Variants in OIT3 observed in about 807,000 individuals in gnomAD.
OIT3 encodes oncoprotein induced transcript 3.
Under a neutral mutation model 52.2 loss-of-function variants are expected in OIT3, and 41 were observed. The observed-to-expected ratio is 0.79, with a 90% CI of 0.61 to 1.02. The LOEUF (loss-of-function observed/expected upper bound fraction) is 1.02. Among genes scored for constraint, OIT3 ranks in the 50% least tolerant of loss-of-function variants. The pLI, the probability that OIT3 is intolerant of heterozygous loss-of-function variation, is 0.00. For synonymous variants in OIT3, 244 were observed against 276.9 expected (o/e 0.88, Z 1.18); for missense variants, 634 against 715.5 (o/e 0.89, Z 1.30).
intron 3 of OIT3, among the ~76,000 whole-genome samples, chr10:72,906,384 TTAGG>T (rs1392842275): frequency 3.9e-5 from 6 of 152,154 alleles, no homozygotes; most frequent in Non-Finnish European, 8.8e-5. Flanking sequence ...TGGCAAGCAA[TTAGG>T]TACCTTCCAC....
At chr10:72,929,523 G>T (rs1340007847) in intron 7 of OIT3, among the ~76,000 whole-genome samples, 1 of 151,554 alleles carries the variant, frequency 6.6e-6, no homozygotes, top group Non-Finnish European at 1.5e-5. Flanking sequence ...TTATCATCGT[G>T]CCTCAGCCTC....
chr10:72,918,284 C>A, intron 6 of OIT3: 1 of 780,818 alleles, frequency 1.3e-6, no homozygotes. Context: ...AAACCGTTGG[C>A]TATACAGACA....
At chr10:72,894,472 G>C (rs184930440) in intron 1 of OIT3, among the ~76,000 whole-genome samples, 1 of 152,292 alleles carries the variant, frequency 6.6e-6, no homozygotes, top group African/African-American at 2.4e-5. Flanking sequence ...AACAGAGGGT[G>C]GGGGTGAGAT....
At position 72,898,721 on chromosome 10, in the gene OIT3, A is replaced by G; in HGVS notation, c.119A>G (p.His40Arg). The G allele has an allele frequency of 6.2e-7, 1 of 1,613,726 alleles. No homozygotes were observed. Among genetic ancestry groups the G allele is most frequent in the Non-Finnish European group, 8.5e-7 (1 of 1,179,664 alleles). Residue 40 changes from histidine (H) to arginine (R), a missense_variant, in exon 2 of 9, where the codon CAC becomes CGC. By Grantham distance (29) the His-to-Arg change is conservative (BLOSUM62 0). Transcript: ENST00000334011. ...AATGAGCCCTGGAGGAACACTGACC[A>G]CCAGTTGGATGAGTCTCAAGGTCCT... The part of the protein sequence containing the change: ...SLNEPWRNTD[H>R]QLDESQGPPL...
In OIT3 at chr10:72,901,003, G is replaced by A. The variant is rs377584611; in HGVS notation, c.544+519G>A. Among the ~76,000 whole-genome samples, 3 of 152,248 alleles carry A rather than the reference G, an allele frequency of 2.0e-5. No individual in the cohort carries two copies. In the South Asian group the frequency reaches 6.2e-4, roughly 32 times the overall value. On this transcript the variant is annotated intron_variant, in intron 3 of 8. Transcript: ENST00000334011. Reference sequence around the variant, plus strand: ...GGATCACTTGAACTTGGGAGTTCAAGGTTACAGTGAGCCATGGTTACACCA... The same window carrying A: ...GGATCACTTGAACTTGGGAGTTCAAAGTTACAGTGAGCCATGGTTACACCA...
Position 72,924,345 on chromosome 10 carries a change from C to A in OIT3, c.1068C>A (p.Cys356Ter). 6.2e-7 allele frequency: 1 copy of A among 1,614,138 alleles called. No homozygotes were observed. Among genetic ancestry groups the A allele is most frequent in the Non-Finnish European group, 8.5e-7 (1 of 1,180,014 alleles). ...RTSKLLIPVT[C>*]EFPRLYTISE... ...GCAAGCTGCTGATCCCGGTGACCTG[C>A]GAGTTTCCACGCCTGTACACCATTT... Residue 356 changes from cysteine (C) to a stop codon, truncating the protein, a stop_gained, in exon 7 of 9, where the codon TGC becomes TGA. Coordinates refer to ENST00000334011, the MANE Select transcript of OIT3 (RefSeq NM_152635.3). LOFTEE classifies it high-confidence loss of function.
At position 72,911,817 on chromosome 10, in the gene OIT3, TGAGGATA is replaced by T; in HGVS notation, c.769_775del (p.Glu257ThrfsTer17). On this transcript the variant is annotated frameshift_variant, in exon 5 of 9. Coordinates refer to ENST00000334011, the MANE Select transcript of OIT3 (RefSeq NM_152635.3). LOFTEE classifies it high-confidence loss of function. ...AATGTCCCCGGGGCCTGGTGCTGTC[TGAGGATA>T]ACCACACTTGCCAAGGTAGTACATG... The T allele has an allele frequency of 1.2e-6, 2 of 1,613,666 alleles. No individual in the cohort carries two copies. The highest frequency in any genetic ancestry group is 1.7e-6 in the Non-Finnish European group (2 of 1,179,734).
In OIT3 at chr10:72,906,579, T is replaced by C. The variant is rs1845980796; in HGVS notation, c.545-17T>C. ...ATCACTCAGCAGTATAGAAACAGTG[T>C]GGTTTCTCTTCTGCAGATGAAAATG... On this transcript the variant is annotated splice_polypyrimidine_tract_variant and intron_variant, in intron 3 of 8. Coordinates refer to ENST00000334011, the MANE Select transcript of OIT3 (RefSeq NM_152635.3). The C allele has an allele frequency of 1.2e-6, 2 of 1,613,502 alleles. No homozygotes were observed. Among genetic ancestry groups the C allele is most frequent in the Admixed American group, 1.7e-5 (1 of 59,976 alleles).
chr10:72,909,915 G>A (rs972161202), intron 4 of OIT3, among the ~76,000 whole-genome samples: 2 of 152,108 alleles, frequency 1.3e-5, no homozygotes, highest in Non-Finnish European at 2.9e-5. Flanking sequence ...CAAAGGGCTG[G>A]GATTATAGGT....
rs773286874 is a variant in OIT3, at chr10:72,898,686, C to T, written c.84C>T (p.Tyr28=). ...SPVALDPCSA[Y]ISLNEPWRNT... The stretch of plus-strand genomic sequence containing the variant: ...CAGCCCTAGATCCTTGTTCTGCTTA[C>T]ATCAGCCTGAATGAGCCCTGGAGGA... The change falls in exon 2 of 9, where the codon TAC becomes TAT. Residue 28 remains tyrosine, a synonymous_variant. Transcript: ENST00000334011. 7 of 1,613,012 alleles carry T rather than the reference C, an allele frequency of 4.3e-6. No individual in the cohort carries two copies. In the Admixed American group the frequency reaches 1.2e-4, roughly 27 times the overall value.
intron 3 of OIT3, among the ~76,000 whole-genome samples, chr10:72,904,274 C>A (rs564838091): frequency 6.6e-6 from 1 of 152,144 alleles, no homozygotes; most frequent in African/African-American, 2.4e-5. Context: ...TTGTTGGAGA[C>A]CTGAGTCTTG....
chr10:72,919,100 T>C (rs1846099818), intron 6 of OIT3, among the ~76,000 whole-genome samples: 1 of 152,246 alleles, frequency 6.6e-6, no homozygotes, highest in Non-Finnish European at 1.5e-5. Flanking sequence ...TGTATTTCCA[T>C]TTGTTTGTGT....
At position 72,924,514 on chromosome 10, in the gene OIT3, C is replaced by G. The variant is rs774831409; in HGVS notation, c.1237C>G (p.Arg413Gly). ...YREALPTLKL[R>G]DSLYFGIEPV... ...GGAAGCTCTGCCCACCCTCAAGCTT[C>G]GTGACTCCCTCTACTTTGGCATTGA... Residue 413 changes from arginine to glycine, a missense_variant, in exon 7 of 9, where the codon CGT becomes GGT. By Grantham distance (125) the Arg-to-Gly change is moderately radical. Transcript: ENST00000334011. 1.2e-6 allele frequency: 2 copies of G among 1,614,200 alleles called. No individual in the cohort carries two copies. The highest frequency in any genetic ancestry group is 1.7e-6 in the Non-Finnish European group (2 of 1,180,038).
intron 1 of OIT3, among the ~76,000 whole-genome samples, chr10:72,895,509 G>A (rs1845867930): frequency 6.6e-6 from 1 of 152,206 alleles, no homozygotes; most frequent in South Asian, 2.1e-4. Flanking sequence ...GAGAGAAGAG[G>A]AAAAGAAGGG....
intron 1 of OIT3, among the ~76,000 whole-genome samples, chr10:72,897,063 G>A (rs1845880976): frequency 6.6e-6 from 1 of 152,094 alleles, no homozygotes; most frequent in South Asian, 2.1e-4. Flanking sequence ...TCACTCTCTT[G>A]CCCAGGCTGG....
intron 7 of OIT3, among the ~76,000 whole-genome samples, chr10:72,927,368 G>A (rs2132949860): frequency 6.6e-6 from 1 of 152,250 alleles, no homozygotes; most frequent in African/African-American, 2.4e-5. Flanking sequence ...TTGAACTCCT[G>A]ACCTCAGGTG....
At chr10:72,930,477 G>T in intron 7 of OIT3, 61 bp from the exon 8 acceptor site, 1 of 1,269,196 alleles carries the variant, frequency 7.9e-7, no homozygotes, top group Middle Eastern at 1.9e-4. Flanking sequence ...TGTTGGGTTA[G>T]ATTGTTTTTC....
intron 6 of OIT3, among the ~76,000 whole-genome samples, chr10:72,914,525 G>A (rs535010532): frequency 6.6e-6 from 1 of 152,324 alleles, no homozygotes; most frequent in South Asian, 2.1e-4. Flanking sequence ...CCCACTTGAG[G>A]CAAGTTATGT....
At chr10:72,911,625 A>G (rs1295485710) in intron 4 of OIT3, 92 bp from the exon 5 acceptor site, 4 of 1,375,146 alleles carry the variant, frequency 2.9e-6, no homozygotes, top group Non-Finnish European at 3.0e-6. Flanking sequence ...GGATGCTGCC[A>G]TAAGTTAAGT....
Sources: allele counts gnomAD v4.1 joint callset (sites outside exome capture counted in the v4.1 genomes callset), GRCh38; gene constraint gnomAD v4.1.1; transcripts MANE v1.5; gene names NCBI Gene and HGNC (gene_info 2026-07-23, HGNC 2026-07-21).